Variants in RBM47 observed in about 807,000 individuals in gnomAD.
RBM47 encodes RNA binding motif protein 47, also known as RNA-binding protein 47.
A neutral mutation model predicts 47.1 loss-of-function variants in RBM47; 21 were observed. The observed-to-expected ratio is 0.45, with a 90% confidence interval of 0.32 to 0.64. The LOEUF is 0.64. Among genes scored for constraint, RBM47 ranks in the 30% least tolerant of loss-of-function variants. The pLI, the probability that RBM47 is intolerant of heterozygous loss-of-function variation, is 0.05. For missense variants in RBM47, 708 were observed against 870.9 expected (o/e 0.81, Z 2.35); for synonymous variants, 375 against 361.7 (o/e 1.04, Z -0.42).
At chr4:40,546,660 T>C (rs1287454988) in intron 1 of RBM47, among the ~76,000 whole-genome samples, 1 of 152,176 alleles carries the variant, frequency 6.6e-6, no homozygotes. Flanking sequence ...TTAACTAAGG[T>C]TGAGCTTCTG....
intron 1 of RBM47, among the ~76,000 whole-genome samples, chr4:40,556,430 C>T (rs534196936): frequency 2.0e-5 from 3 of 151,544 alleles, no homozygotes; most frequent in Admixed American, 6.6e-5. Context: ...AATCCCAGCA[C>T]TTTGGGAGGC....
intron 1 of RBM47, among the ~76,000 whole-genome samples, chr4:40,560,863 G>A (rs1730542370): frequency 6.6e-6 from 1 of 152,028 alleles, no homozygotes; most frequent in African/African-American, 2.4e-5. Flanking sequence ...CTACTCAGGA[G>A]GCTGAGGCAG....
At chr4:40,532,700 C>T (rs28435372) in intron 2 of RBM47, among the ~76,000 whole-genome samples, 2,481 of 147,910 alleles carry the variant, frequency 0.017, 89 homozygotes, top group African/African-American at 0.059. Context: ...GCCCATACGT[C>T]AATGTCTTAA....
At chr4:40,469,271 T>C (rs573624702) in intron 2 of RBM47, among the ~76,000 whole-genome samples, 1 of 152,194 alleles carries the variant, frequency 6.6e-6, no homozygotes, top group South Asian at 2.1e-4. Context: ...TTCACGTAGT[T>C]TTGTGCTACA....
chr4:40,474,358 C>T lies in RBM47; in HGVS notation c.-154-7659G>A, dbSNP rs528505415. Among the ~76,000 whole-genome samples the T allele has an allele frequency of 2.0e-5, 3 of 152,186 alleles. No individual in the cohort carries two copies. The South Asian group carries it at 6.2e-4, about 32-fold the overall frequency. On this transcript the variant is annotated intron_variant, in intron 2 of 6. Coordinates refer to ENST00000295971, the MANE Select transcript of RBM47 (RefSeq NM_001098634.2). ...CTGTGACTGTTGGTCGCCCCCCACA[C>T]CCACCTCCCCCACAGAGTCATCCAG...
intron 1 of RBM47, among the ~76,000 whole-genome samples, chr4:40,554,982 C>A (rs1011118291): frequency 6.6e-6 from 1 of 152,166 alleles, no homozygotes; most frequent in African/African-American, 2.4e-5. Flanking sequence ...GTTGCCCAGG[C>A]TGCAGTGCAA....
chr4:40,448,156 A>G (rs1714839855), intron 3 of RBM47, among the ~76,000 whole-genome samples: 1 of 151,790 alleles, frequency 6.6e-6, no homozygotes. Flanking sequence ...AGACTGCGCC[A>G]CTGCACTCCA....
chr4:40,509,790 G>A (rs1361546120), intron 2 of RBM47, among the ~76,000 whole-genome samples: 1 of 152,146 alleles, frequency 6.6e-6, no homozygotes, highest in Non-Finnish European at 1.5e-5. Flanking sequence ...GGAGGCTGAG[G>A]CAGAATGGTG....
In RBM47 at chr4:40,432,970, C is replaced by CT. The variant is rs199860367; in HGVS notation, c.1331-109dup. The CT allele has an allele frequency of 1.2e-3, 1,712 of 1,432,692 alleles. 22 individuals carry two copies. The African/African-American group carries it at 0.022, about 19-fold the overall frequency. The allele number at this position is 1,432,692 out of a possible 1,614,324, so 88.7% of individuals were successfully genotyped here. A position where few individuals can be genotyped will look rare whatever the true frequency, so the allele number is the denominator to read the frequency against. ...TATTTTTATTTTTTTAAAAACTTTT[C>CT]TTTTTTTTGAGACAGGGTCTCACTC... On this transcript the variant is annotated intron_variant, in intron 5 of 6. Transcript: ENST00000295971.
At chr4:40,619,138 T>C (rs912434267) in intron 1 of RBM47, among the ~76,000 whole-genome samples, 1 of 151,830 alleles carries the variant, frequency 6.6e-6, no homozygotes, top group Non-Finnish European at 1.5e-5. Flanking sequence ...CCCCCAAAAA[T>C]CAACCCCTGG....
chr4:40,535,558 CGTTTTT>C (rs994627072), intron 2 of RBM47, among the ~76,000 whole-genome samples: 1 of 144,796 alleles, frequency 6.9e-6, no homozygotes, highest in African/African-American at 2.6e-5. Context: ...TTTTTTTTTT[CGTTTTT>C]GTTTTTGTAT....
chr4:40,515,223 T>A (rs1033662258), intron 2 of RBM47, among the ~76,000 whole-genome samples: 3 of 152,130 alleles, frequency 2.0e-5, no homozygotes, highest in African/African-American at 4.8e-5. Context: ...GAATGTCAGG[T>A]GCCTCCTGGT....
intron 1 of RBM47, among the ~76,000 whole-genome samples, chr4:40,609,318 GT>G (rs35224098): frequency 6.5e-4 from 91 of 139,396 alleles, no homozygotes; most frequent in East Asian, 4.6e-3. Context: ...ATTTTTATTG[GT>G]TTTTTTTTTT....
chr4:40,614,705 C>T (rs1228201087), intron 1 of RBM47, among the ~76,000 whole-genome samples: 1 of 151,996 alleles, frequency 6.6e-6, no homozygotes, highest in Non-Finnish European at 1.5e-5. Context: ...CTGGCATACA[C>T]TTGCAGTCCC....
chr4:40,595,443 G>C (rs551886866), intron 1 of RBM47, among the ~76,000 whole-genome samples: 1 of 152,040 alleles, frequency 6.6e-6, no homozygotes, highest in South Asian at 2.1e-4. Context: ...GCAGTGAGCC[G>C]AGATTGCACC....
chr4:40,496,327 TAAAC>T (rs1401243301), intron 2 of RBM47, among the ~76,000 whole-genome samples: 2 of 95,994 alleles, frequency 2.1e-5, no homozygotes, highest in African/African-American at 4.2e-5. Flanking sequence ...CTGGAGAACT[TAAAC>T]ACACACACAC....
intron 2 of RBM47, chr4:40,515,976 C>T (rs1725516160): frequency 6.6e-6 from 1 of 152,298 alleles, no homozygotes; most frequent in African/African-American, 2.4e-5. Context: ...GTCTGACTGA[C>T]TAATCTGTTA....
chr4:40,571,443 C>CCAGGATAAGTAT (rs1731698679), intron 1 of RBM47, among the ~76,000 whole-genome samples: 1 of 151,788 alleles, frequency 6.6e-6, no homozygotes, highest in African/African-American at 2.4e-5. Flanking sequence ...GTAACTCATA[C>CCAGGATAAGTAT]CAGGATAAGT....
chr4:40,485,809 T>C (rs1031422964), intron 2 of RBM47, among the ~76,000 whole-genome samples: 21 of 151,490 alleles, frequency 1.4e-4, no homozygotes, highest in Non-Finnish European at 2.7e-4. Flanking sequence ...CATGTAATCC[T>C]AGCATTTTGG....
Sources: allele counts gnomAD v4.1 joint callset (sites outside exome capture counted in the v4.1 genomes callset), GRCh38; gene constraint gnomAD v4.1.1; transcripts MANE v1.5; gene names NCBI Gene and HGNC (gene_info 2026-07-23, HGNC 2026-07-21).